The following NRXN3 variants were observed in gnomAD, a reference collection of about 807,000 sequenced individuals.
The protein encoded by NRXN3 is neurexin III.
Under a neutral mutation model 137.6 loss-of-function variants are expected in NRXN3, and 32 were observed. The observed-to-expected ratio is 0.23, with a 90% CI of 0.18 to 0.31. NRXN3 has a LOEUF of 0.31. Among genes scored for constraint, NRXN3 ranks in the 10% least tolerant of loss-of-function variants. NRXN3 has a pLI of 1.00. For synonymous variants in NRXN3, 798 were observed against 784.5 expected (o/e 1.02, Z -0.29); for missense variants, 1,574 against 2,062.5 (o/e 0.76, Z 4.59).
chr14:79,443,497 C>T (rs988350977), intron 15 of NRXN3, among the ~76,000 whole-genome samples: 2 of 152,106 alleles, frequency 1.3e-5, no homozygotes, highest in African/African-American at 2.4e-5. Context: ...ACTTGTACTA[C>T]GTCTTGCAGG....
chr14:78,880,009 G>A (rs1028538188), intron 10 of NRXN3, among the ~76,000 whole-genome samples: 2 of 141,460 alleles, frequency 1.4e-5, no homozygotes, highest in Non-Finnish European at 2.9e-5. Flanking sequence ...GGAGGCCGAG[G>A]CGGGCGGATC....
chr14:78,308,763 T>C (rs992397459), intron 4 of NRXN3, among the ~76,000 whole-genome samples: 7 of 152,082 alleles, frequency 4.6e-5, no homozygotes, highest in Admixed American at 3.9e-4. Flanking sequence ...GTGTGTATTA[T>C]ACTTCTCTCC....
intron 16 of NRXN3, among the ~76,000 whole-genome samples, chr14:79,553,357 T>C (rs1256360823): frequency 2.0e-5 from 3 of 152,026 alleles, no homozygotes; most frequent in Admixed American, 1.3e-4. Flanking sequence ...AAATAAAGAA[T>C]TGAGGTTCAG....
At chr14:79,035,034 C>T (rs1480162320) in intron 15 of NRXN3, among the ~76,000 whole-genome samples, 3 of 152,038 alleles carry the variant, frequency 2.0e-5, no homozygotes, top group East Asian at 1.9e-4. Flanking sequence ...TTAAATAGCA[C>T]GTTAAATAAA....
chr14:78,193,074 G>A (rs773357240), intron 1 of NRXN3, among the ~76,000 whole-genome samples: 21 of 152,092 alleles, frequency 1.4e-4, no homozygotes, highest in Admixed American at 5.9e-4. Context: ...TTATTGTTGC[G>A]GACAACTCCT....
chr14:79,536,937 TATAAC>T (rs1258248536), intron 16 of NRXN3, among the ~76,000 whole-genome samples: 4 of 152,204 alleles, frequency 2.6e-5, no homozygotes, highest in Non-Finnish European at 4.4e-5. Context: ...CATGTATCCT[TATAAC>T]AGAATGATTT....
chr14:79,376,312 C>G (rs1422246377), intron 15 of NRXN3, among the ~76,000 whole-genome samples: 1 of 144,806 alleles, frequency 6.9e-6, no homozygotes, highest in Non-Finnish European at 1.5e-5. Context: ...AATTGTGTGT[C>G]ACTTCCTTGA....
chr14:78,456,853 C>CTTTCT (rs1415027844), intron 4 of NRXN3, among the ~76,000 whole-genome samples: 9 of 128,906 alleles, frequency 7.0e-5, no homozygotes, highest in Non-Finnish European at 1.6e-4. Flanking sequence ...TTCTTTCTTT[C>CTTTCT]TTTTTCTCTT....
intron 19 of NRXN3, among the ~76,000 whole-genome samples, chr14:79,796,222 T>C (rs1603515458): frequency 1.3e-5 from 2 of 152,210 alleles, no homozygotes. Context: ...TGATTTTATT[T>C]ATTTTATTTT....
chr14:78,810,910 C>G (rs970563823), intron 10 of NRXN3, among the ~76,000 whole-genome samples: 1 of 152,192 alleles, frequency 6.6e-6, no homozygotes, highest in Admixed American at 6.5e-5. Flanking sequence ...GGAAGAACTG[C>G]AGTATTATTT....
chr14:79,510,085 C>T (rs552243067), intron 16 of NRXN3, among the ~76,000 whole-genome samples: 2 of 152,286 alleles, frequency 1.3e-5, no homozygotes, highest in South Asian at 2.1e-4. Context: ...AACCAAAACA[C>T]GTGCCATTAG....
intron 18 of NRXN3, among the ~76,000 whole-genome samples, chr14:79,696,782 C>CCTCTA (rs966377880): frequency 6.6e-6 from 1 of 151,862 alleles, no homozygotes; most frequent in African/African-American, 2.4e-5. Flanking sequence ...CATTAACACA[C>CCTCTA]CTCTATGTCA....
intron 4 of NRXN3, among the ~76,000 whole-genome samples, chr14:78,450,946 T>C (rs1380873296): frequency 1.3e-5 from 2 of 152,172 alleles, no homozygotes; most frequent in Non-Finnish European, 2.9e-5. Context: ...TGAATACATG[T>C]GTGCATGGTC....
chr14:78,742,093 T>C (rs1049006929), intron 8 of NRXN3, among the ~76,000 whole-genome samples: 1 of 152,170 alleles, frequency 6.6e-6, no homozygotes, highest in Non-Finnish European at 1.5e-5. Context: ...CTCGCATTAC[T>C]CTCCCTGAGA....
intron 15 of NRXN3, among the ~76,000 whole-genome samples, chr14:79,343,096 A>T (rs1295989669): frequency 6.6e-6 from 1 of 152,116 alleles, no homozygotes. Flanking sequence ...GGGTGGTGTC[A>T]GCCGATCCAT....
chr14:79,368,657 T>C (rs2093984399), intron 15 of NRXN3, among the ~76,000 whole-genome samples: 1 of 152,196 alleles, frequency 6.6e-6, no homozygotes, highest in African/African-American at 2.4e-5. Flanking sequence ...TTGTTGACCA[T>C]TCCCTATACA....
intron 15 of NRXN3, among the ~76,000 whole-genome samples, chr14:79,440,880 A>C (rs977660414): frequency 1.3e-5 from 2 of 152,170 alleles, no homozygotes; most frequent in Non-Finnish European, 2.9e-5. Context: ...TTATTAATAG[A>C]TATATGAGAC....
In NRXN3 at chr14:79,462,104, T is replaced by C. The variant is rs190218557; in HGVS notation, c.3263-5117T>C. ...TTTAACTCTCAGAGGCCGGGTGTGG[T>C]GGCTCATGCCTGTAATCCCAGCACT... On this transcript the variant is annotated intron_variant, in intron 15 of 20. Transcript: ENST00000335750. 1.2e-3 allele frequency among the ~76,000 whole-genome samples: 177 copies of C among 152,330 alleles called. 1 individual carries two copies. The highest frequency in any genetic ancestry group is 4.2e-3 in the African/African-American group (176 of 41,580).
intron 15 of NRXN3, among the ~76,000 whole-genome samples, chr14:79,441,525 G>A (rs1046042818): frequency 1.1e-4 from 16 of 151,580 alleles, no homozygotes; most frequent in Middle Eastern, 3.4e-3. Flanking sequence ...AACTACAGGC[G>A]CCCGCCACCG....
Sources: gnomAD v4.1 joint callset for allele counts (sites outside exome capture counted in the v4.1 genomes callset) on GRCh38, gnomAD v4.1.1 for gene constraint, MANE v1.5 for transcripts, NCBI Gene and HGNC (gene_info 2026-07-23, HGNC 2026-07-21) for gene names.